The following VIT variants were observed in gnomAD, a reference collection of about 807,000 sequenced individuals.
VIT encodes the protein vitrin.
A neutral mutation model predicts 78.0 loss-of-function variants in VIT; 99 were observed. The ratio of observed to expected loss-of-function variants is 1.27; its 90% CI spans 1.08 to 1.50. VIT has a LOEUF of 1.50. Ranked by LOEUF, VIT falls within the 40% of genes most tolerant of loss-of-function variation. VIT has a pLI of 0.00. For missense variants in VIT, 1,126 were observed against 875.3 expected, an observed-to-expected ratio of 1.29 and a Z score of -3.61; for synonymous variants, 374 against 334.3, an observed-to-expected ratio of 1.12 and a Z score of -1.29.
intron 12 of VIT, among the ~76,000 whole-genome samples, chr2:36,797,804 A>G (rs1012526235): frequency 7.9e-5 from 12 of 152,208 alleles, no homozygotes; most frequent in Admixed American, 4.6e-4. Flanking sequence ...TTAGAGGTTT[A>G]GAGATGCACA....
At position 36,755,054 on chromosome 2, in the gene VIT, G is replaced by C. The variant is rs759986476; in HGVS notation, c.409G>C (p.Glu137Gln). The change falls in exon 5 of 16, where the codon GAA becomes CAA. Residue 137 changes from glutamate (E) to glutamine (Q), a missense_variant and splice_region_variant. Coordinates refer to ENST00000379242, the MANE Select transcript of VIT (RefSeq NM_053276.4). Reference protein sequence around the residue: ...PRWRESFIVLESKPKKGVTYP... With the variant: ...PRWRESFIVLQSKPKKGVTYP... ...ATGGAGAGAATCCTTTATCGTCTTA[G>C]GTATGACCACACACTGGAGAAACGC... is the stretch of plus-strand genomic sequence containing the variant. 1 of 1,613,614 alleles carries C rather than the reference G, an allele frequency of 6.2e-7. No homozygotes were observed. Among genetic ancestry groups the C allele is most frequent in the African/African-American group, 1.3e-5 (1 of 74,898 alleles).
chr2:36,751,836 A>G (rs539195870), intron 4 of VIT, among the ~76,000 whole-genome samples: 4 of 152,234 alleles, frequency 2.6e-5, no homozygotes, highest in Non-Finnish European at 5.9e-5. Context: ...AGGAGGTACC[A>G]CTATTCAAAG....
intron 7 of VIT, 52 bp downstream of exon 7, chr2:36,767,337 C>T: frequency 7.0e-7 from 1 of 1,430,236 alleles, no homozygotes; most frequent in Non-Finnish European, 9.2e-7. Flanking sequence ...GGAAATTGGG[C>T]TTTTAGAGTA....
chr2:36,718,843 T>G (rs1666322335), intron 2 of VIT, among the ~76,000 whole-genome samples: 1 of 152,186 alleles, frequency 6.6e-6, no homozygotes, highest in East Asian at 1.9e-4. Context: ...AAAAATGGGC[T>G]AGCACACTGG....
intron 4 of VIT, among the ~76,000 whole-genome samples, chr2:36,751,906 G>C (rs967787153): frequency 6.6e-6 from 1 of 152,116 alleles, no homozygotes; most frequent in African/African-American, 2.4e-5. Flanking sequence ...TATCTGTTTT[G>C]TTTTTCACAA....
chr2:36,746,864 T>C (rs1668166864), intron 4 of VIT, among the ~76,000 whole-genome samples: 1 of 152,084 alleles, frequency 6.6e-6, no homozygotes, highest in African/African-American at 2.4e-5. Flanking sequence ...TGTGTTCTTA[T>C]TTTTATATTT....
chr2:36,737,390 C>A (rs1303142291), intron 3 of VIT, among the ~76,000 whole-genome samples: 1 of 152,034 alleles, frequency 6.6e-6, no homozygotes, highest in Non-Finnish European at 1.5e-5. Context: ...GGCGGGGACT[C>A]CTGAGAGTTT....
At chr2:36,744,994 A>G (rs919844692) in intron 4 of VIT, among the ~76,000 whole-genome samples, 7 of 152,072 alleles carry the variant, frequency 4.6e-5, no homozygotes, top group Non-Finnish European at 1.0e-4. Flanking sequence ...ATTTTTGTAT[A>G]TGTTGATAGG....
At chr2:36,732,493 C>T (rs977605575) in intron 3 of VIT, among the ~76,000 whole-genome samples, 1 of 152,190 alleles carries the variant, frequency 6.6e-6, no homozygotes, top group African/African-American at 2.4e-5. Flanking sequence ...CAGAGTATTT[C>T]CAAATCATAG....
chr2:36,702,654 T>C (rs1861391), intron 1 of VIT, among the ~76,000 whole-genome samples: 126,999 of 151,742 alleles, frequency 0.84, 53,739 homozygotes, highest in Middle Eastern at 0.95. Context: ...GTGTCCAGAG[T>C]TGAAGTGGGT....
At chr2:36,740,066 G>C (rs1368816073) in intron 3 of VIT, among the ~76,000 whole-genome samples, 1 of 152,216 alleles carries the variant, frequency 6.6e-6, no homozygotes, top group Non-Finnish European at 1.5e-5. Flanking sequence ...ACCTACAACT[G>C]ATACTTCTTG....
chr2:36,808,765 G>T lies in VIT; in HGVS notation c.1683G>T (p.Glu561Asp). The T allele has an allele frequency of 6.2e-7, 1 of 1,614,054 alleles. No individual in the cohort carries two copies. The highest frequency in any genetic ancestry group is 8.5e-7 in the Non-Finnish European group (1 of 1,179,888). Reference protein sequence around the residue: ...AVQYTYEQRLEFGFDKYSSKP... With the variant: ...AVQYTYEQRLDFGFDKYSSKP... ...AGTACACCTACGAACAGCGGCTGGA[G>T]TTTGGGTTCGACAAGTACAGCAGCA... Residue 561 changes from glutamate (E) to aspartate (D), a missense_variant, in exon 15 of 16, where the codon GAG becomes GAT. Physicochemically the swap from Glu to Asp is conservative, Grantham distance 45. Transcript: ENST00000379242.
chr2:36,712,771 G>A (rs150348751), intron 1 of VIT, among the ~76,000 whole-genome samples: 191 of 152,358 alleles, frequency 1.3e-3, no homozygotes, highest in Non-Finnish European at 1.9e-3. Context: ...GGAGGTGGAC[G>A]TTGCAGTGAG....
intron 9 of VIT, among the ~76,000 whole-genome samples, chr2:36,775,920 A>G (rs1404013874): frequency 6.6e-6 from 1 of 152,226 alleles, no homozygotes; most frequent in Non-Finnish European, 1.5e-5. Flanking sequence ...TGGAGTTCTT[A>G]GATATCCTTC....
intron 7 of VIT, among the ~76,000 whole-genome samples, chr2:36,769,361 T>G (rs990776100): frequency 6.6e-6 from 1 of 152,186 alleles, no homozygotes; most frequent in Non-Finnish European, 1.5e-5. Context: ...AAACTTGAAG[T>G]AGTGGCTCCT....
At chr2:36,795,364 T>C (rs548850313) in intron 12 of VIT, among the ~76,000 whole-genome samples, 1 of 70,408 alleles carries the variant, frequency 1.4e-5, no homozygotes, top group African/African-American at 4.6e-5. Flanking sequence ...TATTTTATTT[T>C]ATTTATTTTA....
chr2:36,702,507 G>C (rs757755001), intron 1 of VIT, among the ~76,000 whole-genome samples: 1 of 152,096 alleles, frequency 6.6e-6, no homozygotes, highest in African/African-American at 2.4e-5. Flanking sequence ...AAAACGTAAA[G>C]ATGATATTCA....
intron 12 of VIT, among the ~76,000 whole-genome samples, chr2:36,795,744 T>G (rs1005911082): frequency 4.6e-5 from 7 of 152,190 alleles, no homozygotes; most frequent in Admixed American, 4.6e-4. Flanking sequence ...GTGTCCTTTC[T>G]GCAGTCTTTT....
chr2:36,778,668 G>A (rs760933453), intron 9 of VIT, among the ~76,000 whole-genome samples: 66 of 152,310 alleles, frequency 4.3e-4, no homozygotes, highest in Middle Eastern at 3.4e-3. Context: ...AGCCTTCTCT[G>A]AGAGTCCTTG....
Sources: allele counts gnomAD v4.1 joint callset (sites outside exome capture counted in the v4.1 genomes callset), GRCh38; gene constraint gnomAD v4.1.1; transcripts MANE v1.5; gene names NCBI Gene and HGNC (gene_info 2026-07-23, HGNC 2026-07-21).